Variants in WFDC10B observed in about 807,000 individuals in gnomAD.
WFDC10B encodes protein WFDC10B.
A neutral mutation model predicts 2.7 loss-of-function variants in WFDC10B; 1 was observed. The observed-to-expected ratio is 0.38, with a 90% CI of 0.13 to 1.79. The LOEUF (loss-of-function observed/expected upper bound fraction) is 1.79, where lower values mean the gene tolerates loss of function less well. Ranked by LOEUF, WFDC10B falls within the 40% of genes most tolerant of loss-of-function variation. The probability of loss-of-function intolerance (pLI) is 0.33; values close to 1 mark genes in which losing one functional copy is unlikely to be tolerated. For missense variants in WFDC10B, 71 were observed against 87.8 expected, an observed-to-expected ratio of 0.81 and a Z score of 0.76; for synonymous variants, 26 against 32.2, an observed-to-expected ratio of 0.81 and a Z score of 0.65.
chr20:45,695,918 A>G (rs1670584675), intron 2 of WFDC10B, among the ~76,000 whole-genome samples: 1 of 152,050 alleles, frequency 6.6e-6, no homozygotes, highest in Admixed American at 6.5e-5. Context: ...CACAAAACAC[A>G]ACATCCAAAA....
intron 2 of WFDC10B, among the ~76,000 whole-genome samples, chr20:45,697,378 CA>C (rs1286619637): frequency 1.0e-5 from 1 of 97,404 alleles, no homozygotes; most frequent in African/African-American, 4.1e-5. Context: ...GACATCCCAT[CA>C]TTTTTTTTTT....
intron 2 of WFDC10B, among the ~76,000 whole-genome samples, chr20:45,688,357 C>G (rs1252226382): frequency 6.6e-6 from 1 of 151,998 alleles, no homozygotes; most frequent in African/African-American, 2.4e-5. Context: ...GTCTTTATAG[C>G]AGCATTATTT....
chr20:45,690,950 C>G (rs975239893), intron 2 of WFDC10B, among the ~76,000 whole-genome samples: 22 of 152,236 alleles, frequency 1.4e-4, no homozygotes, highest in African/African-American at 5.1e-4. Flanking sequence ...TTGGATCTTT[C>G]CTGCTTTCTC....
chr20:45,685,003 T>G, intron 3 of WFDC10B, 43 bp from the exon 4 acceptor site: 1 of 1,609,614 alleles, frequency 6.2e-7, no homozygotes, highest in Non-Finnish European at 8.5e-7. Flanking sequence ...CATGCACCTA[T>G]AGAGCAGCCT....
rs186313376 is a variant in WFDC10B at position 45,703,077 on chromosome 20, G to T, written c.-65+1420C>A. On this transcript the variant is annotated intron_variant, in intron 2 of 3. Transcript: ENST00000330523. ...AGTTAATTGGAGAATCAGAATTTGA[G>T]GAAAGGCACAAAGAGGCTTTCTAAA... is the stretch of plus-strand genomic sequence containing the variant. Among the ~76,000 whole-genome samples, 6 of 152,256 alleles carry T rather than the reference G, an allele frequency of 3.9e-5. No individual in the cohort carries two copies. The East Asian group carries it at 1.2e-3, about 29-fold the overall frequency.
intron 2 of WFDC10B, among the ~76,000 whole-genome samples, chr20:45,702,428 A>G: frequency 6.6e-6 from 1 of 152,204 alleles, no homozygotes; most frequent in Non-Finnish European, 1.5e-5. Context: ...TATAATGAAT[A>G]CAGGAGGAGA....
Position 45,704,220 on chromosome 20 carries a change from T to C in WFDC10B, c.-65+277A>G, listed in dbSNP as rs115399750. 2.0e-3 allele frequency among the ~76,000 whole-genome samples: 304 copies of C among 152,208 alleles called. 1 individual carries two copies. Among genetic ancestry groups the C allele is most frequent in the African/African-American group, 6.9e-3 (286 of 41,516 alleles). The stretch of plus-strand genomic sequence containing the variant: ...TGGTGAATGACCAATGGGTGCAGGG[T>C]TCTACCAAACTCTGTTCTTGATCAA... On this transcript the variant is annotated intron_variant, in intron 2 of 3. Coordinates refer to ENST00000330523, the MANE Select transcript of WFDC10B (RefSeq NM_172006.2).
intron 2 of WFDC10B, chr20:45,702,037 CCT>C (rs1291236584): frequency 3.8e-6 from 5 of 1,309,184 alleles, no homozygotes; most frequent in Non-Finnish European, 5.4e-6. Context: ...TCCACTTTGC[CCT>C]CTTTCCTTCT....
At chr20:45,685,826 C>A in intron 3 of WFDC10B, 76 bp downstream of exon 3, 4 of 1,578,610 alleles carry the variant, frequency 2.5e-6, no homozygotes, top group South Asian at 1.2e-5. Flanking sequence ...AGTCCTAGGT[C>A]CTACTCAGAC....
chr20:45,702,971 G>T (rs1283817639), intron 2 of WFDC10B, among the ~76,000 whole-genome samples: 1 of 152,224 alleles, frequency 6.6e-6, no homozygotes, highest in Admixed American at 6.5e-5. Context: ...TCCTGCTTAA[G>T]AAGTTTCAGA....
intron 2 of WFDC10B, among the ~76,000 whole-genome samples, chr20:45,701,820 C>T (rs1444397470): frequency 2.6e-5 from 4 of 151,030 alleles, no homozygotes; most frequent in Admixed American, 6.6e-5. Context: ...TGTACAATTT[C>T]CACAGGGGAA....
intron 2 of WFDC10B, among the ~76,000 whole-genome samples, chr20:45,686,943 G>A (rs1568669526): frequency 6.6e-6 from 1 of 152,132 alleles, no homozygotes. Flanking sequence ...TTACAGGCGT[G>A]AGCCACCACA....
chr20:45,696,009 A>G (rs1356375948), intron 2 of WFDC10B, among the ~76,000 whole-genome samples: 1 of 152,094 alleles, frequency 6.6e-6, no homozygotes, highest in Non-Finnish European at 1.5e-5. Flanking sequence ...GAGCACGGCC[A>G]GGCGCAGTGG....
rs749602403 is a variant in WFDC10B at position 45,704,986 on chromosome 20, C to T, written c.-198G>A. The T allele has an allele frequency of 1.9e-6, 3 of 1,614,182 alleles. No homozygotes were observed. The highest frequency in any genetic ancestry group is 2.2e-5 in the South Asian group (2 of 91,084). ...TTTTGCTTGCCCTCCTTTCACAAGA[C>T]ACCATCCTTTGGCCACCAGTGTTCT... On this transcript the variant is annotated 5_prime_UTR_variant, in exon 1 of 4. Coordinates refer to ENST00000330523, the MANE Select transcript of WFDC10B (RefSeq NM_172006.2).
chr20:45,704,329 C>T (rs1319485458), intron 2 of WFDC10B, 168 bp downstream of exon 2: 10 of 1,399,514 alleles, frequency 7.1e-6, no homozygotes, highest in East Asian at 2.3e-5. Flanking sequence ...CACCCTGGAA[C>T]CATGCAAGGC....
intron 2 of WFDC10B, among the ~76,000 whole-genome samples, chr20:45,698,993 G>A (rs1600963431): frequency 6.9e-6 from 1 of 145,366 alleles, no homozygotes; most frequent in African/African-American, 2.6e-5. Context: ...AGAAGGAGGA[G>A]AAGGAGGGGG....
intron 2 of WFDC10B, among the ~76,000 whole-genome samples, chr20:45,694,575 T>C (rs888661693): frequency 6.6e-6 from 1 of 152,138 alleles, no homozygotes; most frequent in East Asian, 1.9e-4. Context: ...CACTACAAAA[T>C]AGTTGGAGAG....
chr20:45,704,392 C>T, intron 2 of WFDC10B, 105 bp downstream of exon 2: 1 of 1,571,868 alleles, frequency 6.4e-7, no homozygotes, highest in Non-Finnish European at 8.6e-7. Context: ...GAGTTCTGAA[C>T]ATTACTCCAG....
intron 2 of WFDC10B, among the ~76,000 whole-genome samples, chr20:45,691,857 G>A (rs1467610918): frequency 6.6e-6 from 1 of 152,140 alleles, no homozygotes; most frequent in East Asian, 1.9e-4. Context: ...GTATTGTTAT[G>A]TGTGAATTTG....
Sources: gnomAD v4.1 joint callset for allele counts (sites outside exome capture counted in the v4.1 genomes callset) on GRCh38, gnomAD v4.1.1 for gene constraint, MANE v1.5 for transcripts, NCBI Gene and HGNC (gene_info 2026-07-23, HGNC 2026-07-21) for gene names.